Variants in TSNARE1 observed in about 807,000 individuals in gnomAD.
TSNARE1 encodes t-SNARE domain containing 1.
A neutral mutation model predicts 62.0 loss-of-function variants in TSNARE1; 49 were observed. The observed-to-expected ratio is 0.79, with a 90% CI of 0.63 to 1.00. The LOEUF is 1.00. TSNARE1 is among the 50% of genes least tolerant of loss of function. TSNARE1 has a pLI of 0.00. For synonymous variants in TSNARE1, 328 were observed against 294.4 expected, an observed-to-expected ratio of 1.11 and a Z score of -1.17; for missense variants, 755 against 700.1, an observed-to-expected ratio of 1.08 and a Z score of -0.88.
At position 142,292,930 on chromosome 8, in the gene TSNARE1, C is replaced by T. The variant is rs562222267; in HGVS notation, c.1290+7556G>A. On this transcript the variant is annotated intron_variant, in intron 10 of 13. Coordinates refer to ENST00000524325, the MANE Select transcript of TSNARE1 (RefSeq NM_145003.5). ...ACAACCCTGTCAGTCGGGCTCTTCA[C>T]GGGGTGGCAAGCTCCACCTCCCCCA... is the stretch of plus-strand genomic sequence containing the variant. Among the ~76,000 whole-genome samples, 9 of 152,250 alleles carry T rather than the reference C, an allele frequency of 5.9e-5. No homozygotes were observed. The East Asian group carries it at 9.7e-4, about 16-fold the overall frequency.
chr8:142,222,867 CTCAT>C (rs1816469673), intron 13 of TSNARE1, among the ~76,000 whole-genome samples: 1 of 150,156 alleles, frequency 6.7e-6, no homozygotes, highest in Non-Finnish European at 1.5e-5. Context: ...CATCCACTCA[CTCAT>C]TCACTTACTC....
At chr8:142,296,513 T>C (rs951581888) in intron 10 of TSNARE1, among the ~76,000 whole-genome samples, 1 of 151,756 alleles carries the variant, frequency 6.6e-6, no homozygotes, top group Non-Finnish European at 1.5e-5. Flanking sequence ...CTGGCCAGTT[T>C]GACACGTCGG....
intron 2 of TSNARE1, among the ~76,000 whole-genome samples, chr8:142,347,936 C>T (rs1235113380): frequency 6.6e-6 from 1 of 152,250 alleles, no homozygotes; most frequent in African/African-American, 2.4e-5. Flanking sequence ...AGGTCCTGCC[C>T]ACTGCACCAA....
chr8:142,372,193 A>G (rs754976059), intron 1 of TSNARE1, among the ~76,000 whole-genome samples: 1 of 152,196 alleles, frequency 6.6e-6, no homozygotes, highest in African/African-American at 2.4e-5. Flanking sequence ...TAGGACTGAA[A>G]GACCCACCAC....
intron 11 of TSNARE1, among the ~76,000 whole-genome samples, chr8:142,282,836 G>A (rs1586519229): frequency 7.7e-6 from 1 of 129,266 alleles, no homozygotes; most frequent in Non-Finnish European, 1.6e-5. Flanking sequence ...GTCAATGAGT[G>A]GAGGTGGGGC....
chr8:142,366,251 T>C (rs1450863627), intron 1 of TSNARE1, among the ~76,000 whole-genome samples: 3 of 152,144 alleles, frequency 2.0e-5, no homozygotes, highest in Non-Finnish European at 4.4e-5. Context: ...TTAGCCAAGA[T>C]GGTCTCGATC....
At chr8:142,318,691 A>C (rs557922523) in intron 6 of TSNARE1, 57 bp from the exon 7 acceptor site, 2 of 1,565,610 alleles carry the variant, frequency 1.3e-6, no homozygotes, top group African/African-American at 2.7e-5. Context: ...GCAGAGAGCA[A>C]GGGCCCAGAA....
rs537251439 is a variant in TSNARE1 at position 142,226,512 on chromosome 8, C to T, written c.*11+2961G>A. 1.1e-3 allele frequency among the ~76,000 whole-genome samples: 163 copies of T among 152,260 alleles called. No individual in the cohort carries two copies. In the Middle Eastern group the frequency reaches 0.017, roughly 16 times the overall value. The stretch of plus-strand genomic sequence containing the variant: ...CCAGAGAACCTTTGCTACGAGGACT[C>T]AGAGCTGGGAGGGGGACCCTGGTGG... On this transcript the variant is annotated intron_variant, in intron 13 of 13. Transcript: ENST00000524325.
chr8:142,223,894 G>C (rs1816654656), intron 13 of TSNARE1, among the ~76,000 whole-genome samples: 1 of 152,208 alleles, frequency 6.6e-6, no homozygotes, highest in Admixed American at 6.5e-5. Context: ...GCTCATTTCT[G>C]CAACAGCCAC....
At chr8:142,351,632 T>C (rs552113287) in intron 2 of TSNARE1, among the ~76,000 whole-genome samples, 11 of 152,054 alleles carry the variant, frequency 7.2e-5, no homozygotes, top group African/African-American at 2.4e-4. Context: ...ATGGTCAACA[T>C]CAAACCGCCA....
chr8:142,333,290 G>A (rs530184291), intron 4 of TSNARE1, among the ~76,000 whole-genome samples: 36 of 152,304 alleles, frequency 2.4e-4, no homozygotes, highest in African/African-American at 6.7e-4. Context: ...AGCTCGCTCC[G>A]AAACGCATGC....
At chr8:142,306,266 C>T (rs756442788) in intron 9 of TSNARE1, among the ~76,000 whole-genome samples, 3 of 152,214 alleles carry the variant, frequency 2.0e-5, no homozygotes, top group Non-Finnish European at 2.9e-5. Flanking sequence ...CAGCCCTGTG[C>T]CTCAAACATG....
intron 11 of TSNARE1, among the ~76,000 whole-genome samples, chr8:142,282,222 C>A (rs1359238341): frequency 6.6e-6 from 1 of 152,180 alleles, no homozygotes; most frequent in Non-Finnish European, 1.5e-5. Context: ...TACACCCCCC[C>A]AGCACGGGTA....
intron 11 of TSNARE1, among the ~76,000 whole-genome samples, chr8:142,283,894 G>A (rs906688860): frequency 1.4e-5 from 2 of 142,832 alleles, no homozygotes; most frequent in Non-Finnish European, 1.6e-5. Flanking sequence ...TCAATGAACA[G>A]AGGCGGGGCC....
intron 12 of TSNARE1, among the ~76,000 whole-genome samples, chr8:142,261,071 G>A (rs1818855851): frequency 3.0e-3 from 20 of 6,578 alleles, no homozygotes; most frequent in Admixed American, 5.5e-3. Context: ...GCAGGAGGGA[G>A]GAGAGAGGAA....
intron 11 of TSNARE1, chr8:142,279,882 G>A: frequency 9.6e-7 from 1 of 1,040,946 alleles, no homozygotes; most frequent in Non-Finnish European, 1.2e-6. Context: ...CCGTGGTCTG[G>A]CCCTCGCCTT....
chr8:142,379,326 AC>A (rs1355557161), intron 1 of TSNARE1, among the ~76,000 whole-genome samples: 1 of 151,914 alleles, frequency 6.6e-6, no homozygotes, highest in Non-Finnish European at 1.5e-5. Context: ...AATGCCCCCA[AC>A]CTCGCCCTCC....
At chr8:142,352,356 G>C (rs1169225442) in intron 2 of TSNARE1, among the ~76,000 whole-genome samples, 5 of 152,276 alleles carry the variant, frequency 3.3e-5, no homozygotes, top group Non-Finnish European at 7.3e-5. Context: ...AGGCTGGCAA[G>C]ACATCACCGT....
intron 11 of TSNARE1, among the ~76,000 whole-genome samples, chr8:142,283,475 C>T (rs561720109): frequency 6.9e-6 from 1 of 143,978 alleles, no homozygotes; most frequent in East Asian, 2.2e-4. Context: ...TGAACAGAGG[C>T]GGGGCCAGTG....
Sources: allele counts gnomAD v4.1 joint callset (sites outside exome capture counted in the v4.1 genomes callset), GRCh38; gene constraint gnomAD v4.1.1; transcripts MANE v1.5; gene names NCBI Gene and HGNC (gene_info 2026-07-23, HGNC 2026-07-21).